Variants in EYS observed in about 807,000 individuals in gnomAD.
EYS encodes EGF-like photoreceptor maintenance factor.
A neutral mutation model predicts 282.1 loss-of-function variants in EYS; 250 were observed. The observed-to-expected ratio is 0.89, with a 90% CI of 0.80 to 0.98. EYS has a LOEUF of 0.98. EYS is among the 50% of genes least tolerant of loss of function. The probability of loss-of-function intolerance (pLI) is 0.00; values close to 1 mark genes in which losing one functional copy is unlikely to be tolerated. For synonymous variants in EYS, 1,355 were observed against 1,282.9 expected (o/e 1.06, Z -1.20); for missense variants, 4,016 against 3,709.0 (o/e 1.08, Z -2.15).
At chr6:64,655,488 C>T (rs759286780) in intron 22 of EYS, among the ~76,000 whole-genome samples, 7 of 151,532 alleles carry the variant, frequency 4.6e-5, no homozygotes, top group Non-Finnish European at 8.8e-5. Flanking sequence ...TCATTTTAGC[C>T]CTTCATTGTG....
intron 30 of EYS, among the ~76,000 whole-genome samples, chr6:64,243,663 A>G (rs997018657): frequency 2.6e-5 from 4 of 152,222 alleles, no homozygotes; most frequent in Admixed American, 2.6e-4. Flanking sequence ...AGTAGAAAAA[A>G]GAGTTGGTGG....
At chr6:64,689,852 T>G (rs1770306225) in intron 22 of EYS, among the ~76,000 whole-genome samples, 1 of 152,084 alleles carries the variant, frequency 6.6e-6, no homozygotes, top group African/African-American at 2.4e-5. Context: ...ACCTAAATGT[T>G]AGACCTAAAA....
At chr6:64,279,403 TTA>T (rs36031630) in intron 30 of EYS, among the ~76,000 whole-genome samples, 3,955 of 152,156 alleles carry the variant, frequency 0.026, 178 homozygotes, top group African/African-American at 0.09. Flanking sequence ...AACAGAAAAT[TTA>T]TAGTCAGGGT....
chr6:65,658,581 T>C (rs138954102), intron 1 of EYS, among the ~76,000 whole-genome samples: 1 of 151,888 alleles, frequency 6.6e-6, no homozygotes, highest in East Asian at 1.9e-4. Flanking sequence ...TGATTGTATT[T>C]TGAGTGATCA....
At chr6:65,358,574 A>G (rs1764581839) in intron 8 of EYS, among the ~76,000 whole-genome samples, 1 of 146,280 alleles carries the variant, frequency 6.8e-6, no homozygotes, top group African/African-American at 2.6e-5. Context: ...GAGAGAAATG[A>G]TCCTCTGTTG....
intron 12 of EYS, among the ~76,000 whole-genome samples, chr6:65,164,239 G>T (rs995290837): frequency 2.0e-5 from 3 of 150,902 alleles, no homozygotes; most frequent in Non-Finnish European, 4.4e-5. Context: ...GATATATTTC[G>T]GCAAATGTTC....
intron 30 of EYS, among the ~76,000 whole-genome samples, chr6:64,231,826 T>C (rs1382856846): frequency 6.6e-6 from 1 of 152,170 alleles, no homozygotes; most frequent in African/African-American, 2.4e-5. Flanking sequence ...TCATATACTG[T>C]CTGGGAAGGT....
chr6:64,013,542 AT>A, intron 33 of EYS, among the ~76,000 whole-genome samples: 1 of 152,294 alleles, frequency 6.6e-6, no homozygotes. Flanking sequence ...GTGAGAGCTA[AT>A]TTTGCATATC....
intron 12 of EYS, among the ~76,000 whole-genome samples, chr6:65,181,524 G>GT (rs1225817153): frequency 6.6e-6 from 1 of 152,132 alleles, no homozygotes; most frequent in Non-Finnish European, 1.5e-5. Flanking sequence ...TCTCACACCA[G>GT]TTAGAATGGC....
chr6:65,069,222 G>T (rs933218873), intron 12 of EYS, among the ~76,000 whole-genome samples: 1 of 151,818 alleles, frequency 6.6e-6, no homozygotes, highest in East Asian at 1.9e-4. Context: ...TCTTTGATCG[G>T]CATTTAAAAC....
At chr6:63,795,523 A>T (rs1770624154) in intron 37 of EYS, among the ~76,000 whole-genome samples, 1 of 152,208 alleles carries the variant, frequency 6.6e-6, no homozygotes, top group Non-Finnish European at 1.5e-5. Context: ...AACAGATCTT[A>T]AATATATACA....
At chr6:64,037,784 A>G (rs1488570530) in intron 33 of EYS, among the ~76,000 whole-genome samples, 1 of 152,172 alleles carries the variant, frequency 6.6e-6, no homozygotes, top group Non-Finnish European at 1.5e-5. Context: ...AAAATCATTA[A>G]TAGGGTACAG....
rs182168017 is a variant in EYS at position 64,140,143 on chromosome 6, A to G, written c.6425-58141T>C. On this transcript the variant is annotated intron_variant, in intron 31 of 42. Transcript: ENST00000503581. ...GAAAAGGGGTGGTAATTAATATGAA[A>G]AACAGAACATCTGGGCCAAAATATA... Among the ~76,000 whole-genome samples the G allele has an allele frequency of 2.8e-3, 428 of 152,256 alleles. 3 individuals carry two copies. Among genetic ancestry groups the G allele is most frequent in the African/African-American group, 9.8e-3 (408 of 41,548 alleles).
chr6:64,339,668 A>T (rs1191556896), intron 29 of EYS, among the ~76,000 whole-genome samples: 1 of 151,912 alleles, frequency 6.6e-6, no homozygotes, highest in Non-Finnish European at 1.5e-5. Flanking sequence ...TACAAAAGAT[A>T]TACTTGCACA....
intron 22 of EYS, among the ~76,000 whole-genome samples, chr6:64,668,433 T>C (rs372431858): frequency 6.6e-6 from 1 of 152,256 alleles, no homozygotes. Flanking sequence ...ATGCTTATCA[T>C]ATTTGTTGCT....
At chr6:63,765,953 A>G (rs1026945481) in intron 40 of EYS, among the ~76,000 whole-genome samples, 5 of 152,038 alleles carry the variant, frequency 3.3e-5, no homozygotes, top group African/African-American at 9.7e-5. Flanking sequence ...TGACAGGTGT[A>G]TAGAAAATGA....
chr6:65,609,352 C>T (rs1306462275), intron 2 of EYS, among the ~76,000 whole-genome samples: 1 of 135,048 alleles, frequency 7.4e-6, no homozygotes, highest in African/African-American at 2.8e-5. Context: ...AAAAAAAAAT[C>T]TAATACTAAC....
chr6:64,239,364 C>T, intron 30 of EYS, among the ~76,000 whole-genome samples: 1 of 152,178 alleles, frequency 6.6e-6, no homozygotes, highest in South Asian at 2.1e-4. Flanking sequence ...ATTTACACTC[C>T]TACCAACAGT....
intron 28 of EYS, among the ~76,000 whole-genome samples, chr6:64,413,205 C>G (rs1773957407): frequency 6.6e-6 from 1 of 152,072 alleles, no homozygotes; most frequent in African/African-American, 2.4e-5. Flanking sequence ...GGCAGTGGTT[C>G]TGATTCTCCA....
Sources: gnomAD v4.1 joint callset for allele counts (sites outside exome capture counted in the v4.1 genomes callset) on GRCh38, gnomAD v4.1.1 for gene constraint, MANE v1.5 for transcripts, NCBI Gene and HGNC (gene_info 2026-07-23, HGNC 2026-07-21) for gene names.